SPECC1: variants seen among roughly 807,000 people sequenced by gnomAD.
SPECC1 encodes the protein cytospin-B.
A neutral mutation model predicts 104.1 loss-of-function variants in SPECC1; 62 were observed. That is an observed-to-expected ratio of 0.60 (90% CI 0.49 to 0.74). The LOEUF (loss-of-function observed/expected upper bound fraction) is 0.74. Among genes scored for constraint, SPECC1 ranks in the 30% least tolerant of loss-of-function variants. SPECC1 has a pLI of 0.00. For synonymous variants in SPECC1, 513 were observed against 501.6 expected (o/e 1.02, Z -0.30); for missense variants, 1,306 against 1,310.5 (o/e 1.00, Z 0.05).
intron 9 of SPECC1, among the ~76,000 whole-genome samples, chr17:20,253,041 G>GT (rs374086016): frequency 0.13 from 19,610 of 145,520 alleles, 1,255 homozygotes; most frequent in East Asian, 0.19. Context: ...TTCTTTTTCA[G>GT]TTTTTTTTTT....
At chr17:20,019,797 A>G (rs1398224123) in intron 1 of SPECC1, among the ~76,000 whole-genome samples, 1 of 152,142 alleles carries the variant, frequency 6.6e-6, no homozygotes, top group Non-Finnish European at 1.5e-5. Flanking sequence ...GATCACCCCC[A>G]TCCATGTTGG....
At chr17:20,156,337 G>C in intron 3 of SPECC1, 1 of 1,253,934 alleles carries the variant, frequency 8.0e-7, no homozygotes, top group Non-Finnish European at 1.0e-6. Flanking sequence ...ACTGGGGCGA[G>C]CGAAAGGCTA....
intron 12 of SPECC1, among the ~76,000 whole-genome samples, 195 bp downstream of exon 12, chr17:20,260,489 C>T (rs1044491685): frequency 6.6e-6 from 1 of 152,206 alleles, no homozygotes; most frequent in Non-Finnish European, 1.5e-5. Context: ...GAGGCAAATG[C>T]AACTGAAAAA....
intron 7 of SPECC1, among the ~76,000 whole-genome samples, chr17:20,239,887 T>C (rs2039116775): frequency 8.0e-6 from 1 of 124,364 alleles, no homozygotes; most frequent in African/African-American, 3.1e-5. Context: ...AGTTTTTTTT[T>C]TTTTTTTTTT....
chr17:20,296,398 G>C (rs2041352499), intron 12 of SPECC1, among the ~76,000 whole-genome samples: 1 of 152,200 alleles, frequency 6.6e-6, no homozygotes, highest in Admixed American at 6.5e-5. Context: ...TTTGGTACCA[G>C]TACCATGCTG....
chr17:20,213,083 G>A (rs983908388), intron 4 of SPECC1, among the ~76,000 whole-genome samples: 2 of 151,984 alleles, frequency 1.3e-5, no homozygotes, highest in African/African-American at 2.4e-5. Context: ...TGACCTTAGA[G>A]CTCTTATTCT....
At position 20,205,541 on chromosome 17, in the gene SPECC1, G is replaced by A. The variant is rs757372441; in HGVS notation, c.1492G>A (p.Val498Ile). Residue 498 changes from valine (V) to isoleucine (I), a missense_variant, in exon 4 of 15, where the codon GTT (valine) becomes ATT (isoleucine). Around this residue, in one of 2 missense-constraint regions of SPECC1, gnomAD observed 1,177 missense variants for 1,139.9 expected, o/e 1.03. Transcript: ENST00000395527. ...QQQLTCSLRK[V>I]EEENQGALEM... ...GCAGTTGACCTGTAGCTTGCGGAAG[G>A]TTGAGGAAGAAAACCAAGGAGCTTT... is the stretch of plus-strand genomic sequence containing the variant. The A allele has an allele frequency of 1.2e-5, 19 of 1,614,010 alleles. No individual in the cohort carries two copies. The highest frequency in any genetic ancestry group is 2.7e-5 in the African/African-American group (2 of 74,924).
At chr17:20,050,913 G>A (rs555414368) in intron 1 of SPECC1, among the ~76,000 whole-genome samples, 1 of 152,234 alleles carries the variant, frequency 6.6e-6, no homozygotes, top group East Asian at 1.9e-4. Context: ...TGGTAAAGAG[G>A]AACTTCTTAA....
chr17:20,288,694 A>G lies in SPECC1; in HGVS notation c.2941-8267A>G, dbSNP rs1226664679. 2.0e-5 allele frequency among the ~76,000 whole-genome samples: 3 copies of G among 152,242 alleles called. No homozygotes were observed. In the East Asian group the frequency reaches 5.8e-4, roughly 29 times the overall value. On this transcript the variant is annotated intron_variant, in intron 12 of 14. Coordinates refer to ENST00000395527, the MANE Select transcript of SPECC1 (RefSeq NM_001243439.2). ...AAAGACATACCTGAGACTGGGAAGAAAAAGAGGATTAATTGGACTTACAGT... is the reference window on the plus strand; with the variant it reads ...AAAGACATACCTGAGACTGGGAAGAGAAAGAGGATTAATTGGACTTACAGT...
intron 14 of SPECC1, among the ~76,000 whole-genome samples, chr17:20,307,738 A>C (rs772351360): frequency 8.5e-5 from 13 of 152,238 alleles, no homozygotes; most frequent in Admixed American, 5.2e-4. Flanking sequence ...AGGGAATTCC[A>C]GATGAAAAGG....
chr17:20,093,568 G>A (rs909289743), intron 1 of SPECC1, among the ~76,000 whole-genome samples: 4 of 152,120 alleles, frequency 2.6e-5, no homozygotes, highest in African/African-American at 9.7e-5. Flanking sequence ...CTGAGATGAC[G>A]GGAGGGATGT....
At chr17:20,164,855 A>G (rs1027881368) in intron 3 of SPECC1, among the ~76,000 whole-genome samples, 2 of 152,280 alleles carry the variant, frequency 1.3e-5, no homozygotes, top group South Asian at 2.1e-4. Context: ...TGAGACCCCC[A>G]TTCGAACGGC....
chr17:20,037,536 G>A (rs916306358), intron 1 of SPECC1, among the ~76,000 whole-genome samples: 1 of 151,650 alleles, frequency 6.6e-6, no homozygotes, highest in Admixed American at 6.6e-5. Context: ...CTACCCATAG[G>A]CAGTGTGTCA....
chr17:20,066,778 G>A (rs1408315453), intron 1 of SPECC1, among the ~76,000 whole-genome samples: 3 of 151,118 alleles, frequency 2.0e-5, no homozygotes, highest in Non-Finnish European at 4.4e-5. Context: ...ATAGAGTTTT[G>A]CCCAGGCTGG....
In SPECC1 at chr17:20,314,192, C is replaced by G. The variant is rs2042003150; in HGVS notation, c.*127C>G. The stretch of plus-strand genomic sequence containing the variant: ...CCTAGACTTCAAAGACAGGCTCAAT[C>G]CAAGTGGACCAACACCCAAATAAGA... On this transcript the variant is annotated 3_prime_UTR_variant, in exon 15 of 15. Coordinates refer to ENST00000395527, the MANE Select transcript of SPECC1 (RefSeq NM_001243439.2). 1 of 740,716 alleles carries G rather than the reference C, an allele frequency of 1.4e-6. No individual in the cohort carries two copies. The highest frequency in any genetic ancestry group is 1.6e-5 in the South Asian group (1 of 61,820). 45.9% of individuals were successfully genotyped at this position (740,716 alleles called of 1,614,324 possible).
rs1365198990 is a variant in SPECC1 at position 20,051,095 on chromosome 17, TC to T, written c.-22+41672del. 2.6e-5 allele frequency among the ~76,000 whole-genome samples: 3 copies of T among 114,476 alleles called. No homozygotes were observed. In the East Asian group the frequency reaches 7.5e-4, roughly 29 times the overall value. The allele number at this position is 114,476 out of a possible 152,430, so 75.1% of individuals were successfully genotyped here. The stretch of plus-strand genomic sequence containing the variant: ...TTCTTTCTTTCTTTCTTTCTTTCTT[TC>T]TTTCTTTCTTTCTTTCTTTCTTTCT... On this transcript the variant is annotated intron_variant, in intron 1 of 14. Transcript: ENST00000395527.
At chr17:20,080,589 C>G (rs943167852) in intron 1 of SPECC1, among the ~76,000 whole-genome samples, 2 of 151,780 alleles carry the variant, frequency 1.3e-5, no homozygotes, top group Non-Finnish European at 2.9e-5. Context: ...AAGGCAGTCT[C>G]GGGGAGGTTT....
intron 3 of SPECC1, among the ~76,000 whole-genome samples, chr17:20,135,589 T>C (rs906943748): frequency 6.6e-6 from 1 of 152,118 alleles, no homozygotes; most frequent in Non-Finnish European, 1.5e-5. Context: ...ATAGTCTGGA[T>C]GGACCACAGG....
chr17:20,111,915 C>G (rs894932237), intron 3 of SPECC1: 10 of 788,640 alleles, frequency 1.3e-5, no homozygotes, highest in Non-Finnish European at 2.1e-5. Flanking sequence ...CTTTCTGTGG[C>G]CAGTGGTAAA....
Sources: gnomAD v4.1 joint callset for allele counts (sites outside exome capture counted in the v4.1 genomes callset) on GRCh38, gnomAD v4.1.1 for gene constraint, gnomAD v4.1.1 regional missense constraint, MANE v1.5 for transcripts, NCBI Gene and HGNC (gene_info 2026-07-23, HGNC 2026-07-21) for gene names.